GALNTL6: variants seen among roughly 807,000 people sequenced by gnomAD.
The protein encoded by GALNTL6 is polypeptide N-acetylgalactosaminyltransferase like 6.
Under a neutral mutation model 73.7 loss-of-function variants are expected in GALNTL6, and 46 were observed. The ratio of observed to expected loss-of-function variants is 0.62; its 90% CI spans 0.49 to 0.80. The LOEUF is 0.80. GALNTL6 is among the 30% of genes least tolerant of loss of function. GALNTL6 has a pLI of 0.00. For synonymous variants in GALNTL6, 259 were observed against 263.7 expected (o/e 0.98, Z 0.17); for missense variants, 604 against 755.0 (o/e 0.80, Z 2.34).
rs1335033613 is a variant in GALNTL6, at chr4:172,067,588, G to A, written c.139-162068G>A. Among the ~76,000 whole-genome samples, 9 of 59,246 alleles carry A rather than the reference G, an allele frequency of 1.5e-4. 3 individuals carry two copies. The highest frequency in any genetic ancestry group is 5.8e-4 in the African/African-American group (9 of 15,610). 38.9% of individuals were successfully genotyped at this position (59,246 alleles called of 152,430 possible). On this transcript the variant is annotated intron_variant, in intron 2 of 12. Coordinates refer to ENST00000506823, the MANE Select transcript of GALNTL6 (RefSeq NM_001034845.3). ...CCACCCCATCCCTCTCTTATCCTTA[G>A]CAAAGTTGTTCAGGACAAAAATATA...
At chr4:171,910,198 C>T (rs1199422006) in intron 2 of GALNTL6, among the ~76,000 whole-genome samples, 3 of 151,996 alleles carry the variant, frequency 2.0e-5, no homozygotes, top group Non-Finnish European at 4.4e-5. Flanking sequence ...GTTGTTAAAC[C>T]GTTGTTTATC....
rs183236944 is a variant in GALNTL6 at position 172,604,071 on chromosome 4, G to A, written c.554-205290G>A. Among the ~76,000 whole-genome samples, 320 of 152,224 alleles carry A rather than the reference G, an allele frequency of 2.1e-3. 1 individual carries two copies. The highest frequency in any genetic ancestry group is 7.2e-3 in the African/African-American group (301 of 41,536). ...AAGCAAAACTCTTGCCCTGCTGAGC[G>A]GTGCATTAGTAACATCATGCTATGT... On this transcript the variant is annotated intron_variant, in intron 5 of 12. Coordinates refer to ENST00000506823, the MANE Select transcript of GALNTL6 (RefSeq NM_001034845.3).
Position 172,882,892 on chromosome 4 carries a change from T to G in GALNTL6, c.1026T>G (p.Tyr342Ter). The stretch of plus-strand genomic sequence containing the variant: ...TAGAAATCTGGGGAGGAGAACAGTA[T>G]GAAATCTCTTTTAAGGTAAGCCCCA... ...PGLEIWGGEQ[Y>*]EISFKVWMCG... is the part of the protein sequence containing the mutation. The change falls in exon 8 of 13, where the codon TAT becomes TAG. Residue 342 changes from tyrosine (Y) to a stop codon, truncating the protein, a stop_gained. Coordinates refer to ENST00000506823, the MANE Select transcript of GALNTL6 (RefSeq NM_001034845.3). LOFTEE classifies it high-confidence loss of function. 6.3e-7 allele frequency: 1 copy of G among 1,586,730 alleles called. No individual in the cohort carries two copies. The highest frequency in any genetic ancestry group is 8.7e-7 in the Non-Finnish European group (1 of 1,155,536).
chr4:172,435,555 A>T (rs750029072), intron 5 of GALNTL6, among the ~76,000 whole-genome samples: 5 of 152,180 alleles, frequency 3.3e-5, no homozygotes, highest in Admixed American at 6.5e-5. Flanking sequence ...AGATCATTAT[A>T]GCTCCATCAC....
rs576203915 is a variant in GALNTL6, at chr4:172,597,825, C to T, written c.554-211536C>T. Among the ~76,000 whole-genome samples, 6 of 152,102 alleles carry T rather than the reference C, an allele frequency of 3.9e-5. No individual in the cohort carries two copies. The South Asian group carries it at 6.2e-4, about 16-fold the overall frequency. On this transcript the variant is annotated intron_variant, in intron 5 of 12. Coordinates refer to ENST00000506823, the MANE Select transcript of GALNTL6 (RefSeq NM_001034845.3). ...CATTAAATCACACAAAAAGTATATGCTTATTCACTATTGTTCTAAGAGTCC... is the reference window on the plus strand; with the variant it reads ...CATTAAATCACACAAAAAGTATATGTTTATTCACTATTGTTCTAAGAGTCC...
chr4:172,265,891 A>G (rs1738435783), intron 3 of GALNTL6, among the ~76,000 whole-genome samples: 2 of 151,574 alleles, frequency 1.3e-5, no homozygotes, highest in Non-Finnish European at 2.9e-5. Context: ...TCAAAACTGG[A>G]AAAAAAAAGT....
intron 5 of GALNTL6, among the ~76,000 whole-genome samples, chr4:172,444,985 T>A (rs1731969661): frequency 6.6e-6 from 1 of 152,158 alleles, no homozygotes; most frequent in African/African-American, 2.4e-5. Flanking sequence ...GCCATGACTG[T>A]AACTCTGTCA....
At chr4:172,532,150 A>AAGGTT (rs1332849472) in intron 5 of GALNTL6, among the ~76,000 whole-genome samples, 1 of 152,178 alleles carries the variant, frequency 6.6e-6, no homozygotes, top group Non-Finnish European at 1.5e-5. Flanking sequence ...CTGAAGTCCA[A>AAGGTT]ACACCCAGTA....
At chr4:171,931,502 A>G (rs887967064) in intron 2 of GALNTL6, among the ~76,000 whole-genome samples, 3 of 152,248 alleles carry the variant, frequency 2.0e-5, no homozygotes, top group African/African-American at 7.2e-5. Flanking sequence ...CAGATTTAAC[A>G]TATGATAGTC....
intron 5 of GALNTL6, among the ~76,000 whole-genome samples, chr4:172,457,923 A>G (rs555911674): frequency 4.1e-4 from 63 of 152,302 alleles, no homozygotes; most frequent in African/African-American, 1.4e-3. Context: ...TCTCAGCATC[A>G]CATCGCACTT....
At chr4:172,246,883 G>C (rs781090785) in intron 3 of GALNTL6, among the ~76,000 whole-genome samples, 12 of 150,976 alleles carry the variant, frequency 7.9e-5, no homozygotes, top group Non-Finnish European at 1.3e-4. Context: ...TGCCAGTACT[G>C]TAACTTTAAT....
intron 5 of GALNTL6, among the ~76,000 whole-genome samples, chr4:172,569,867 G>A (rs1736696395): frequency 6.6e-6 from 1 of 152,180 alleles, no homozygotes; most frequent in African/African-American, 2.4e-5. Context: ...GGGATTATGA[G>A]CTAGGTTGAG....
intron 2 of GALNTL6, among the ~76,000 whole-genome samples, chr4:171,954,781 T>A (rs903373324): frequency 1.3e-5 from 2 of 152,074 alleles, no homozygotes; most frequent in Non-Finnish European, 2.9e-5. Flanking sequence ...GGTGTGAACT[T>A]CCCCCTCTCT....
chr4:171,902,790 A>G (rs1737137557), intron 2 of GALNTL6, among the ~76,000 whole-genome samples: 1 of 152,196 alleles, frequency 6.6e-6, no homozygotes, highest in African/African-American at 2.4e-5. Flanking sequence ...CTAGACGTGG[A>G]CATTAATTGG....
intron 9 of GALNTL6, among the ~76,000 whole-genome samples, chr4:172,942,858 C>T (rs934110616): frequency 3.3e-5 from 5 of 152,126 alleles, no homozygotes; most frequent in African/African-American, 4.8e-5. Context: ...GTCAAGATGA[C>T]TGTCTCCTAC....
At chr4:172,616,255 C>A (rs1294084620) in intron 5 of GALNTL6, among the ~76,000 whole-genome samples, 3 of 152,112 alleles carry the variant, frequency 2.0e-5, no homozygotes, top group African/African-American at 7.2e-5. Context: ...CTTTATTTAA[C>A]CTCAATGCTC....
chr4:172,565,515 T>G, intron 5 of GALNTL6, among the ~76,000 whole-genome samples: 1 of 152,216 alleles, frequency 6.6e-6, no homozygotes, highest in East Asian at 1.9e-4. Context: ...TAGTATTTTG[T>G]TGAGGATATT....
intron 2 of GALNTL6, among the ~76,000 whole-genome samples, chr4:172,138,362 G>A (rs1733691776): frequency 6.9e-6 from 1 of 145,316 alleles, no homozygotes; most frequent in Non-Finnish European, 1.5e-5. Context: ...TTTGTCCTTT[G>A]CATTTCGTTT....
chr4:172,556,688 A>C (rs1040716841), intron 5 of GALNTL6, among the ~76,000 whole-genome samples: 1 of 151,896 alleles, frequency 6.6e-6, no homozygotes, highest in African/African-American at 2.4e-5. Flanking sequence ...GCATTATAGA[A>C]ACAGCAAGAA....
Sources: allele counts gnomAD v4.1 joint callset (sites outside exome capture counted in the v4.1 genomes callset), GRCh38; gene constraint gnomAD v4.1.1; transcripts MANE v1.5; gene names NCBI Gene and HGNC (gene_info 2026-07-23, HGNC 2026-07-21).